The following SORCS1 variants were observed in gnomAD, a reference collection of about 807,000 sequenced individuals.
The protein encoded by SORCS1 is VPS10 domain-containing receptor SorCS1.
Under a neutral mutation model 146.1 loss-of-function variants are expected in SORCS1, and 60 were observed. The observed-to-expected ratio is 0.41, with a 90% CI of 0.33 to 0.51. The LOEUF (loss-of-function observed/expected upper bound fraction) is 0.51. SORCS1 is among the 20% of genes least tolerant of loss of function. SORCS1 has a pLI of 0.21. For missense variants in SORCS1, 1,352 were observed against 1,487.6 expected (o/e 0.91, Z 1.50); for synonymous variants, 637 against 584.0 (o/e 1.09, Z -1.31).
chr10:106,731,548 A>G (rs1168628653), intron 5 of SORCS1, among the ~76,000 whole-genome samples: 1 of 152,198 alleles, frequency 6.6e-6, no homozygotes, highest in Admixed American at 6.5e-5. Context: ...GACACAAGTG[A>G]AAAGTCACTT....
intron 7 of SORCS1, 60 bp from the exon 8 acceptor site, chr10:106,706,694 G>A (rs1167428806): frequency 1.7e-5 from 26 of 1,493,106 alleles, no homozygotes; most frequent in Non-Finnish European, 2.4e-5. Context: ...ACAGGTCACA[G>A]AACAGTCACC....
intron 1 of SORCS1, among the ~76,000 whole-genome samples, chr10:106,963,795 G>A (rs1196501871): frequency 6.6e-6 from 1 of 152,040 alleles, no homozygotes; most frequent in East Asian, 1.9e-4. Flanking sequence ...ATTAAGCTTT[G>A]TTAAAAGGCA....
intron 1 of SORCS1, among the ~76,000 whole-genome samples, chr10:107,125,670 GA>G (rs1031910298): frequency 6.6e-6 from 1 of 152,190 alleles, no homozygotes; most frequent in African/African-American, 2.4e-5. Flanking sequence ...TAGCCAACTT[GA>G]AAATCAGTAT....
rs908759462 is a variant in SORCS1, at chr10:107,055,120, C to G, written c.559-98540G>C. On this transcript the variant is annotated intron_variant, in intron 1 of 25. Coordinates refer to ENST00000263054, the MANE Select transcript of SORCS1 (RefSeq NM_052918.5). ...TTTTGAATCATGGGACCAGGGAGGT[C>G]TTCATGGAGAGAGAAGGAGGTGTCT... Among the ~76,000 whole-genome samples the G allele has an allele frequency of 9.2e-5, 14 of 152,138 alleles. No homozygotes were observed. In the East Asian group the frequency reaches 2.7e-3, roughly 29 times the overall value.
At chr10:106,896,111 T>C (rs1191899391) in intron 2 of SORCS1, among the ~76,000 whole-genome samples, 1 of 152,140 alleles carries the variant, frequency 6.6e-6, no homozygotes, top group East Asian at 1.9e-4. Context: ...ACATGAGGTA[T>C]CTAAAGTAGT....
At chr10:106,842,859 C>T (rs908116505) in intron 2 of SORCS1, among the ~76,000 whole-genome samples, 1 of 152,060 alleles carries the variant, frequency 6.6e-6, no homozygotes, top group Non-Finnish European at 1.5e-5. Context: ...GTGATCCACC[C>T]ACCTCAGCCT....
chr10:106,708,528 G>A (rs1854705519), intron 7 of SORCS1, among the ~76,000 whole-genome samples: 1 of 152,132 alleles, frequency 6.6e-6, no homozygotes, highest in South Asian at 2.1e-4. Context: ...GTCCAAACAA[G>A]CTTAAATTTT....
intron 2 of SORCS1, among the ~76,000 whole-genome samples, chr10:106,843,207 C>T (rs765258497): frequency 3.3e-5 from 5 of 152,046 alleles, no homozygotes; most frequent in Non-Finnish European, 7.4e-5. Context: ...ACTTATTCAT[C>T]CAATAGTGAA....
intron 2 of SORCS1, among the ~76,000 whole-genome samples, chr10:106,947,637 A>G (rs1954420793): frequency 6.6e-6 from 1 of 152,210 alleles, no homozygotes; most frequent in Non-Finnish European, 1.5e-5. Flanking sequence ...TGAGGTCAGG[A>G]GTTCAAGACT....
At chr10:106,914,725 C>A (rs920883643) in intron 2 of SORCS1, among the ~76,000 whole-genome samples, 56 of 152,180 alleles carry the variant, frequency 3.7e-4, no homozygotes, top group African/African-American at 1.3e-3. Context: ...TTAGCCAGCA[C>A]AATATTAATC....
intron 18 of SORCS1, among the ~76,000 whole-genome samples, chr10:106,639,676 A>G (rs1210097090): frequency 6.6e-6 from 1 of 152,178 alleles, no homozygotes; most frequent in African/African-American, 2.4e-5. Flanking sequence ...AAGGAATAAC[A>G]TAGGAGAAAG....
intron 3 of SORCS1, among the ~76,000 whole-genome samples, chr10:106,805,604 G>T (rs760653313): frequency 1.4e-4 from 22 of 152,246 alleles, no homozygotes; most frequent in Admixed American, 8.5e-4. Context: ...AGTTGCCCAA[G>T]GCCACCCTGC....
chr10:106,592,015 T>TCCTTTGCAACAAAC (rs1182203960), intron 24 of SORCS1, among the ~76,000 whole-genome samples: 3 of 152,202 alleles, frequency 2.0e-5, no homozygotes, highest in Non-Finnish European at 2.9e-5. Context: ...TGCAACATCA[T>TCCTTTGCAACAAAC]AGCCTTTGTT....
chr10:107,065,496 T>TCCTCC (rs1961730365), intron 1 of SORCS1, among the ~76,000 whole-genome samples: 1 of 83,256 alleles, frequency 1.2e-5, no homozygotes. Flanking sequence ...TCCTCTCCTC[T>TCCTCC]CCTCTCCTCT....
chr10:107,002,218 A>C (rs867064772), intron 1 of SORCS1, among the ~76,000 whole-genome samples: 2 of 152,248 alleles, frequency 1.3e-5, no homozygotes, highest in Non-Finnish European at 2.9e-5. Context: ...AGCCCTAAGT[A>C]ATAAAGCCAT....
intron 1 of SORCS1, among the ~76,000 whole-genome samples, chr10:107,056,415 T>A (rs575298802): frequency 1.3e-5 from 2 of 152,162 alleles, no homozygotes; most frequent in African/African-American, 4.8e-5. Context: ...GTGCAAGACA[T>A]AGATATAATG....
chr10:106,944,043 T>C (rs1278204512), intron 2 of SORCS1, among the ~76,000 whole-genome samples: 1 of 152,162 alleles, frequency 6.6e-6, no homozygotes, highest in Non-Finnish European at 1.5e-5. Context: ...CCACACTCTA[T>C]ATGTCATACT....
rs543243431 is a variant in SORCS1, at chr10:106,739,233, C to T, written c.960-9119G>A. Among the ~76,000 whole-genome samples, 367 of 152,214 alleles carry T rather than the reference C, an allele frequency of 2.4e-3. 2 individuals carry two copies. Among genetic ancestry groups the T allele is most frequent in the Non-Finnish European group, 3.0e-3 (203 of 68,016 alleles). The stretch of plus-strand genomic sequence containing the variant: ...GGGCATGGTGGCTCATGCCTGTAAT[C>T]CTAGCACTTTGGGAGTTCAAGGTAG... On this transcript the variant is annotated intron_variant, in intron 5 of 25. Transcript: ENST00000263054.
rs531406258 is a variant in SORCS1 at position 106,928,387 on chromosome 10, G to A, written c.626+28126C>T. ...TTGCCAGGGGCCGGCAGGCTGCTCC[G>A]AGTGCGGGGCCGCCAAGCCCGCGCC... On this transcript the variant is annotated intron_variant, in intron 2 of 25. Transcript: ENST00000263054. Among the ~76,000 whole-genome samples, 510 of 152,330 alleles carry A rather than the reference G, an allele frequency of 3.3e-3. 2 individuals carry two copies. The highest frequency in any genetic ancestry group is 0.011 in the African/African-American group (475 of 41,584).
Sources: gnomAD v4.1 joint callset for allele counts (sites outside exome capture counted in the v4.1 genomes callset) on GRCh38, gnomAD v4.1.1 for gene constraint, MANE v1.5 for transcripts, NCBI Gene and HGNC (gene_info 2026-07-23, HGNC 2026-07-21) for gene names.